The following PDE8B variants were observed in gnomAD, a reference collection of about 807,000 sequenced individuals.
PDE8B encodes the protein high affinity cAMP-specific and IBMX-insensitive 3',5'-cyclic phosphodiesterase 8B.
A neutral mutation model predicts 101.3 loss-of-function variants in PDE8B; 26 were observed. The ratio of observed to expected loss-of-function variants is 0.26; its 90% CI spans 0.19 to 0.36. PDE8B has a LOEUF of 0.36. Ranked by LOEUF, PDE8B falls within the 10% of genes least tolerant of loss-of-function variation. The pLI is 1.00. For synonymous variants in PDE8B, 424 were observed against 429.3 expected (o/e 0.99, Z 0.15); for missense variants, 810 against 1,163.1 (o/e 0.70, Z 4.42).
chr5:77,180,009 C>G, the PDE8B span, among the ~76,000 whole-genome samples: 4 of 152,170 alleles, frequency 2.6e-5, no homozygotes, highest in Non-Finnish European at 5.9e-5. Context: ...GGGCTGCAGG[C>G]AAATCTGATC....
rs74903314 is a variant in PDE8B, at chr5:77,244,703, C to T, written c.339+33439C>T. Among the ~76,000 whole-genome samples the T allele has an allele frequency of 3.8e-3, 574 of 152,178 alleles. 2 individuals are homozygous for T. Among genetic ancestry groups the T allele is most frequent in the African/African-American group, 0.013 (545 of 41,498 alleles). On this transcript the variant is annotated intron_variant, in intron 1 of 21. Coordinates refer to ENST00000264917, the MANE Select transcript of PDE8B (RefSeq NM_003719.5). Reference sequence around the variant, plus strand: ...TCACTGCAACCCCACAGGATAGATACTGTTATCTCATTTGATTAAGCAAGA... The same window carrying T: ...TCACTGCAACCCCACAGGATAGATATTGTTATCTCATTTGATTAAGCAAGA...
At chr5:77,422,907 G>A (rs887739016) in intron 20 of PDE8B, among the ~76,000 whole-genome samples, 1 of 152,174 alleles carries the variant, frequency 6.6e-6, no homozygotes, top group Non-Finnish European at 1.5e-5. Flanking sequence ...TACATGTGCA[G>A]GTTTGTTAAA....
At chr5:77,291,836 G>A (rs957650900) in intron 1 of PDE8B, 81 of 1,520,106 alleles carry the variant, frequency 5.3e-5, no homozygotes, top group Non-Finnish European at 7.2e-5. Context: ...TTAATTTGAG[G>A]TGTTCGGCAG....
At chr5:77,285,859 C>T (rs1326664163) in intron 1 of PDE8B, among the ~76,000 whole-genome samples, 1 of 152,088 alleles carries the variant, frequency 6.6e-6, no homozygotes, top group African/African-American at 2.4e-5. Flanking sequence ...TCCCTAATCT[C>T]TAGTCTGTTA....
chr5:77,372,837 G>A (rs981501266), intron 10 of PDE8B, among the ~76,000 whole-genome samples: 1 of 152,220 alleles, frequency 6.6e-6, no homozygotes, highest in African/African-American at 2.4e-5. Context: ...GACTCAGCCT[G>A]ACCAACATGG....
intron 11 of PDE8B, among the ~76,000 whole-genome samples, chr5:77,403,210 G>A (rs1179721921): frequency 6.6e-5 from 10 of 152,080 alleles, no homozygotes; most frequent in Admixed American, 3.3e-4. Flanking sequence ...TAACATGACC[G>A]TGCGTTTTCA....
At chr5:77,407,076 G>C (rs907630796) in intron 12 of PDE8B, among the ~76,000 whole-genome samples, 3 of 152,130 alleles carry the variant, frequency 2.0e-5, no homozygotes, top group African/African-American at 7.2e-5. Context: ...GCCGTGTGGG[G>C]GTCATTAAGC....
chr5:77,164,428 T>A, the PDE8B span, among the ~76,000 whole-genome samples: 849 of 152,326 alleles, frequency 5.6e-3, 8 homozygotes, highest in African/African-American at 0.02. Flanking sequence ...TTTGACCCAG[T>A]CACTCTGCAG....
the PDE8B span, among the ~76,000 whole-genome samples, chr5:77,149,401 G>C: frequency 2.0e-5 from 3 of 152,118 alleles, no homozygotes; most frequent in Non-Finnish European, 2.9e-5. Flanking sequence ...TTACAAAAAT[G>C]CTTGCTGGAG....
chr5:77,092,859 G>A, the PDE8B span, among the ~76,000 whole-genome samples: 1 of 152,176 alleles, frequency 6.6e-6, no homozygotes, highest in Admixed American at 6.5e-5. Flanking sequence ...GATGAAGGCT[G>A]CAGTGAGACC....
intron 1 of PDE8B, among the ~76,000 whole-genome samples, chr5:77,283,821 A>T (rs576269018): frequency 1.1e-4 from 16 of 152,350 alleles, no homozygotes; most frequent in Non-Finnish European, 1.5e-5. Flanking sequence ...TTGTGTAGAC[A>T]TAAATTTTCA....
chr5:77,270,764 C>CT (rs1474842156), intron 1 of PDE8B, among the ~76,000 whole-genome samples: 1 of 152,242 alleles, frequency 6.6e-6, no homozygotes, highest in Non-Finnish European at 1.5e-5. Context: ...AGAGATACCA[C>CT]TTCCTTCTGG....
intron 1 of PDE8B, among the ~76,000 whole-genome samples, chr5:77,283,319 A>G (rs1353228939): frequency 2.0e-5 from 3 of 152,150 alleles, no homozygotes; most frequent in Non-Finnish European, 4.4e-5. Context: ...ATTTGTTACA[A>G]TTGATGAGCC....
intron 10 of PDE8B, among the ~76,000 whole-genome samples, chr5:77,399,478 T>C (rs140109356): frequency 1.6e-3 from 241 of 152,368 alleles, no homozygotes; most frequent in African/African-American, 5.6e-3. Flanking sequence ...AAAGATTTAA[T>C]GGTCTGAGCA....
chr5:77,135,626 G>A, the PDE8B span, among the ~76,000 whole-genome samples: 31 of 151,906 alleles, frequency 2.0e-4, no homozygotes, highest in Admixed American at 5.2e-4. Flanking sequence ...ACAGGCACGC[G>A]CCACCATGCC....
chr5:77,228,721 G>T (rs1752947891), intron 1 of PDE8B, among the ~76,000 whole-genome samples: 1 of 152,180 alleles, frequency 6.6e-6, no homozygotes, highest in Admixed American at 6.5e-5. Context: ...TCAGATTTTG[G>T]AGTTCCTCGT....
At chr5:77,352,073 C>G (rs1447783715) in intron 9 of PDE8B, among the ~76,000 whole-genome samples, 1 of 152,226 alleles carries the variant, frequency 6.6e-6, no homozygotes, top group African/African-American at 2.4e-5. Context: ...TCAATACCAC[C>G]TGGTATTTCA....
rs567485960 is a variant in PDE8B, at chr5:77,400,426, A to G, written c.1210+136A>G. Reference sequence around the variant, plus strand: ...GTGCTAAAATCCACGTGCTCATATCACAAGGTTGGCAAGCCAGAAGAAAAG... The same window carrying G: ...GTGCTAAAATCCACGTGCTCATATCGCAAGGTTGGCAAGCCAGAAGAAAAG... On this transcript the variant is annotated intron_variant, in intron 11 of 21. Coordinates refer to ENST00000264917, the MANE Select transcript of PDE8B (RefSeq NM_003719.5). The G allele has an allele frequency of 4.2e-6, 3 of 708,598 alleles. No individual in the cohort carries two copies. The African/African-American group carries it at 5.3e-5, about 12-fold the overall frequency. The allele number at this position is 708,598 out of a possible 1,614,324, so 43.9% of individuals were successfully genotyped here. A position where few individuals can be genotyped will look rare whatever the true frequency, so the allele number is the denominator to read the frequency against.
intron 10 of PDE8B, among the ~76,000 whole-genome samples, chr5:77,379,376 C>G (rs1057433680): frequency 6.6e-6 from 1 of 152,134 alleles, no homozygotes; most frequent in African/African-American, 2.4e-5. Context: ...TATGCAGTTT[C>G]ATCTATATCA....
Sources: gnomAD v4.1 joint callset for allele counts (sites outside exome capture counted in the v4.1 genomes callset) on GRCh38, gnomAD v4.1.1 for gene constraint, MANE v1.5 for transcripts, NCBI Gene and HGNC (gene_info 2026-07-23, HGNC 2026-07-21) for gene names.